CD8A: variants seen among roughly 807,000 people sequenced by gnomAD.
CD8A encodes the protein CD8 subunit alpha, also known as T-cell surface glycoprotein CD8 alpha chain.
A neutral mutation model predicts 24.2 loss-of-function variants in CD8A; 25 were observed. The ratio of observed to expected loss-of-function variants is 1.03; its 90% CI spans 0.75 to 1.44. The LOEUF (loss-of-function observed/expected upper bound fraction) is 1.44. Among genes scored for constraint, CD8A ranks in the 40% most tolerant of loss-of-function variants. CD8A has a pLI of 0.00. For synonymous variants in CD8A, 165 were observed against 149.9 expected, an observed-to-expected ratio of 1.10 and a Z score of -0.74; for missense variants, 360 against 319.7, an observed-to-expected ratio of 1.13 and a Z score of -0.96.
chr2:86,795,969 T>C (rs980089950), intron 3 of CD8A, among the ~76,000 whole-genome samples: 24 of 152,136 alleles, frequency 1.6e-4, no homozygotes, highest in Non-Finnish European at 1.2e-4. Context: ...AGGCAAATTA[T>C]TGAACAATTT....
At chr2:86,802,372 C>T (rs1005853960) in intron 2 of CD8A, among the ~76,000 whole-genome samples, 16 of 152,038 alleles carry the variant, frequency 1.1e-4, no homozygotes, top group African/African-American at 3.9e-4. Context: ...ATTTTGAAGA[C>T]TTGCAGTTTA....
chr2:86,791,381 C>A, upstream of CD8A: 2 of 380,908 alleles, frequency 5.3e-6, no homozygotes, highest in South Asian at 3.9e-5. Context: ...CCAGTTTTCA[C>A]CGAGGAAGGA....
intron 3 of CD8A, among the ~76,000 whole-genome samples, chr2:86,797,611 C>T (rs1673524622): frequency 6.6e-6 from 1 of 152,076 alleles, no homozygotes; most frequent in South Asian, 2.1e-4. Context: ...TTGTGGAGGG[C>T]AATGTCAGAT....
upstream of CD8A, chr2:86,791,529 T>C (rs925502290): frequency 4.4e-6 from 2 of 454,060 alleles, no homozygotes; most frequent in African/African-American, 4.0e-5. Context: ...TCATCTCTTC[T>C]TGGAGCCATT....
rs1252678822 is a variant in CD8A at position 86,789,663 on chromosome 2, C to T, written c.491G>A (p.Cys164Tyr). The T allele has an allele frequency of 1.3e-6, 2 of 1,483,312 alleles. No homozygotes were observed. The highest frequency in any genetic ancestry group is 1.8e-6 in the Non-Finnish European group (2 of 1,122,400). 91.9% of individuals were successfully genotyped at this position (1,483,312 alleles called of 1,614,324 possible). A position where few individuals can be genotyped will look rare whatever the true frequency, so the allele number is the denominator to read the frequency against. The stretch of plus-strand genomic sequence containing the variant: ...ACCTGCGCCCCCCGCCGCTGGCCGG[C>T]ACGCCTCTGGGCGCAGGGACAGGGG... ...SQPLSLRPEA[C>Y]RPAAGGAVHT... The change falls in exon 3 of 6, where the codon TGC becomes TAC. Residue 164 changes from cysteine (C) to tyrosine (Y), a missense_variant. By Grantham distance (194) the Cys-to-Tyr change is radical. Coordinates refer to ENST00000283635, the MANE Select transcript of CD8A (RefSeq NM_001768.7).
intron 3 of CD8A, among the ~76,000 whole-genome samples, chr2:86,799,721 A>G (rs1349975834): frequency 1.3e-5 from 2 of 151,734 alleles, no homozygotes; most frequent in African/African-American, 4.9e-5. Flanking sequence ...ACACCACTGC[A>G]CTCCAGCCTG....
At chr2:86,802,060 CAG>C (rs1401130037) in intron 2 of CD8A, among the ~76,000 whole-genome samples, 1 of 152,018 alleles carries the variant, frequency 6.6e-6, no homozygotes, top group East Asian at 1.9e-4. Context: ...TTTTTAGAGA[CAG>C]AGCATTCTTC....
At chr2:86,795,898 G>T (rs538007044), upstream of CD8A, among the ~76,000 whole-genome samples, 1 of 152,068 alleles carries the variant, frequency 6.6e-6, no homozygotes, top group Non-Finnish European at 1.5e-5. Flanking sequence ...ACACACACTC[G>T]AAATTCAAAG....
chr2:86,793,198 G>A (rs1354996093), upstream of CD8A, among the ~76,000 whole-genome samples: 1 of 152,084 alleles, frequency 6.6e-6, no homozygotes, highest in African/African-American at 2.4e-5. Flanking sequence ...CTTATAAATG[G>A]GTGCATTATA....
At chr2:86,790,222 C>T in intron 2 of CD8A, 106 bp downstream of exon 2, 1 of 849,600 alleles carries the variant, frequency 1.2e-6, no homozygotes. Context: ...ATCTAAGTCG[C>T]TTCCAGGTGC....
At chr2:86,807,311 A>T (rs1036863730) in intron 2 of CD8A, 5 of 152,386 alleles carry the variant, frequency 3.3e-5, no homozygotes, top group African/African-American at 1.2e-4. Flanking sequence ...ATAGAACAAG[A>T]CCCTGTCTCT....
At chr2:86,801,276 T>G (rs1345316151) in intron 3 of CD8A, among the ~76,000 whole-genome samples, 1 of 151,566 alleles carries the variant, frequency 6.6e-6, no homozygotes, top group Non-Finnish European at 1.5e-5. Context: ...TCTCCCTCCC[T>G]CCCTGCCTCC....
chr2:86,803,265 GCT>G (rs577580636), intron 2 of CD8A, among the ~76,000 whole-genome samples: 7 of 152,112 alleles, frequency 4.6e-5, no homozygotes, highest in Non-Finnish European at 1.0e-4. Context: ...TCTCTTCTGG[GCT>G]CATACCCAAA....
rs114045589 is a variant in CD8A at position 86,807,722 on chromosome 2, G to A, written c.-693C>T. 5.6e-3 allele frequency: 849 copies of A among 152,936 alleles called. 10 individuals carry two copies. Among genetic ancestry groups the A allele is most frequent in the African/African-American group, 0.019 (799 of 41,578 alleles). 9.5% of individuals were successfully genotyped at this position (152,936 alleles called of 1,614,324 possible). On this transcript the variant is annotated 5_prime_UTR_variant, in exon 2 of 9. Transcript: ENST00000409511. ...GCCCAGCGGAGCGCCACCCGGAGCA[G>A]GCGCGGAGGAGGGCTGGGGAGGGCC...
chr2:86,789,975 A>G (rs13423040), intron 2 of CD8A, among the ~76,000 whole-genome samples: 10,649 of 152,258 alleles, frequency 0.07, 407 homozygotes, highest in African/African-American at 0.083. Flanking sequence ...CGCAGGAGCC[A>G]GCTCCCCTGC....
intron 3 of CD8A, 30 bp downstream of exon 3, chr2:86,789,610 G>GC: frequency 6.9e-7 from 1 of 1,443,364 alleles, no homozygotes; most frequent in Non-Finnish European, 9.3e-7. Context: ...GGTGCGTGCC[G>GC]CCCCCGCCCC....
chr2:86,793,309 T>C (rs565322062), upstream of CD8A, among the ~76,000 whole-genome samples: 8 of 152,340 alleles, frequency 5.3e-5, no homozygotes, highest in East Asian at 1.3e-3. Context: ...TGTATCTGTA[T>C]CACTGAGGGC....
chr2:86,801,414 T>G (rs1292014710), intron 3 of CD8A: 1 of 151,920 alleles, frequency 6.6e-6, no homozygotes, highest in Non-Finnish European at 1.5e-5. Flanking sequence ...CAGGCTGGAG[T>G]GCAGTGGAGT....
Position 86,790,316 on chromosome 2 carries a change from C to T in CD8A, c.403+12G>A, listed in dbSNP as rs371497889. On this transcript the variant is annotated intron_variant, in intron 2 of 5. Coordinates refer to ENST00000283635, the MANE Select transcript of CD8A (RefSeq NM_001768.7). ...CCCCACGCGGAGAGGTGCCGCAACC[C>T]GGCGCGCGGACCTGGCAGGAAGACC... The T allele has an allele frequency of 6.2e-7, 1 of 1,601,808 alleles. No homozygotes were observed. The highest frequency in any genetic ancestry group is 1.7e-5 in the Admixed American group (1 of 59,960).
Sources: gnomAD v4.1 joint callset for allele counts (sites outside exome capture counted in the v4.1 genomes callset) on GRCh38, gnomAD v4.1.1 for gene constraint, MANE v1.5 for transcripts, NCBI Gene and HGNC (gene_info 2026-07-23, HGNC 2026-07-21) for gene names.